Variants in DUSP8 observed in about 807,000 individuals in gnomAD.
The protein encoded by DUSP8 is dual specificity protein phosphatase 8.
DUSP8 carries 15 observed loss-of-function variants against 38.7 expected under a neutral mutation model. The ratio of observed to expected loss-of-function variants is 0.39; its 90% CI spans 0.26 to 0.60. The LOEUF (loss-of-function observed/expected upper bound fraction) is 0.60, where lower values mean the gene tolerates loss of function less well. Ranked by LOEUF, DUSP8 falls within the 20% of genes least tolerant of loss-of-function variation. The pLI is 0.56. For missense variants in DUSP8, 768 were observed against 915.0 expected, an observed-to-expected ratio of 0.84 and a Z score of 2.07; for synonymous variants, 458 against 433.9, an observed-to-expected ratio of 1.06 and a Z score of -0.69.
At chr11:1,568,009 G>A (rs547175201) in intron 1 of DUSP8, among the ~76,000 whole-genome samples, 4 of 152,294 alleles carry the variant, frequency 2.6e-5, no homozygotes, top group South Asian at 2.1e-4. Context: ...GTGAGACAGC[G>A]GCTCCAGGTG....
In DUSP8 at chr11:1,565,465, G is replaced by T. The variant is rs139586642; in HGVS notation, c.231+131C>A. The stretch of plus-strand genomic sequence containing the variant: ...AGTGCCAGGGAGGACTGCTCCACAC[G>T]CCCCTGGCTGTGACCCCAAGGAGTC... On this transcript the variant is annotated intron_variant, in intron 2 of 6. Transcript: ENST00000397374. 4,391 of 721,006 alleles carry T rather than the reference G, an allele frequency of 6.1e-3. 24 individuals carry two copies. The highest frequency in any genetic ancestry group is 0.035 in the Middle Eastern group (111 of 3,206). The allele number at this position is 721,006 out of a possible 1,614,324, so 44.7% of individuals were successfully genotyped here.
intron 3 of DUSP8, among the ~76,000 whole-genome samples, chr11:1,562,413 C>T (rs1424733532): frequency 6.6e-6 from 1 of 152,154 alleles, no homozygotes; most frequent in African/African-American, 2.4e-5. Context: ...TACTCTCTCC[C>T]CGCCCCCCAC....
Position 1,558,777 on chromosome 11 carries a change from T to C in DUSP8, c.537+112A>G. 1 of 1,308,526 alleles carries C rather than the reference T, an allele frequency of 7.6e-7. No individual in the cohort carries two copies. The allele number at this position is 1,308,526 out of a possible 1,614,324, so 81.1% of individuals were successfully genotyped here. On this transcript the variant is annotated intron_variant, in intron 4 of 6. Coordinates refer to ENST00000397374, the MANE Select transcript of DUSP8 (RefSeq NM_004420.3). This position sits in a 1 kb window ranked among gnomAD's most constrained non-coding sequence, Gnocchi z 6.3. Reference sequence around the variant, plus strand: ...CCATGCTTCTCCCACACCCAGCTCATCCACTGCCTTCAGCTCCTTTCCTCC... The same window carrying C: ...CCATGCTTCTCCCACACCCAGCTCACCCACTGCCTTCAGCTCCTTTCCTCC...
rs768306901 is a variant in DUSP8, at chr11:1,565,746, C to G, written c.81G>C (p.Pro27=). The G allele has an allele frequency of 3.7e-6, 6 of 1,611,790 alleles. No individual in the cohort carries two copies. In the South Asian group the frequency reaches 6.6e-5, roughly 18 times the overall value. Residue 27 remains proline (P), a synonymous_variant, in exon 2 of 7, where the codon CCG becomes CCC. Transcript: ENST00000397374. Reference sequence around the variant, plus strand: ...CGAAGGAGCGGCTGTCGATGACCAGCGGCCCCCCAGGCCCGCCCCGCAGCA... The same window carrying G: ...CGAAGGAGCGGCTGTCGATGACCAGGGGCCCCCCAGGCCCGCCCCGCAGCA... ...ASLLRGGPGG[P]LVIDSRSFVE...
chr11:1,566,052 T>C (rs1848798068), intron 1 of DUSP8, 118 bp from the exon 2 acceptor site: 2 of 553,844 alleles, frequency 3.6e-6, no homozygotes, highest in Non-Finnish European at 6.5e-6. Flanking sequence ...CATGTGCCCG[T>C]GGGAACCCTT....
chr11:1,570,639 T>C (rs1848874070), intron 1 of DUSP8, among the ~76,000 whole-genome samples: 1 of 151,828 alleles, frequency 6.6e-6, no homozygotes, highest in Admixed American at 6.6e-5. Context: ...GCCACACTCG[T>C]GCAGCCCCCG....
chr11:1,560,167 C>T (rs982217292), intron 3 of DUSP8, among the ~76,000 whole-genome samples: 2 of 152,152 alleles, frequency 1.3e-5, no homozygotes, highest in African/African-American at 2.4e-5. Flanking sequence ...CATGGCAAGC[C>T]GGCTCCTGCT....
At chr11:1,571,294 G>A (rs969913468) in intron 1 of DUSP8, 2 of 152,264 alleles carry the variant, frequency 1.3e-5, no homozygotes, top group Non-Finnish European at 2.9e-5. Context: ...TGCAGCAGGC[G>A]GAAGGGCGCG....
chr11:1,556,526 C>T lies in DUSP8; in HGVS notation c.1870G>A (p.Val624Met), dbSNP rs1351169062. ...CGAGGGCAGCGGAGGGGTCAGGACA[C>T]CTCGATGACCTCCACGCTGCCCGAG... The part of the protein sequence containing the change: ...SFSGSVEVIE[V>M]S Residue 624 changes from valine (V) to methionine (M), a missense_variant, in exon 7 of 7, where the codon GTG (valine) becomes ATG (methionine). Transcript: ENST00000397374. This position sits in a 1 kb window ranked among gnomAD's most constrained non-coding sequence, Gnocchi z 5.2. 7.6e-7 allele frequency: 1 copy of T among 1,317,816 alleles called. No homozygotes were observed. Among genetic ancestry groups the T allele is most frequent in the Non-Finnish European group, 9.7e-7 (1 of 1,031,000 alleles). The allele number at this position is 1,317,816 out of a possible 1,614,324, so 81.6% of individuals were successfully genotyped here. A position where few individuals can be genotyped will look rare whatever the true frequency, so the allele number is the denominator to read the frequency against.
chr11:1,557,911 G>A lies in DUSP8; in HGVS notation c.704C>T (p.Ala235Val). Residue 235 changes from alanine (A) to valine (V), a missense_variant, in exon 6 of 7, where the codon GCC becomes GTC. By Grantham distance (64) the Ala-to-Val change is moderately conservative. Transcript: ENST00000397374. This position sits in a 1 kb window ranked among gnomAD's most constrained non-coding sequence, Gnocchi z 9.9. ...GATGACTTGGCAGCTGGAGAGCTTGGCTTTATCTGGGCAGGTGGGCCATGG... is the reference window on the plus strand; with the variant it reads ...GATGACTTGGCAGCTGGAGAGCTTGACTTTATCTGGGCAGGTGGGCCATGG... ...LDKSIEFIDK[A>V]KLSSCQVIVH... 2.5e-6 allele frequency: 4 copies of A among 1,613,910 alleles called. No homozygotes were observed. Among genetic ancestry groups the A allele is most frequent in the Non-Finnish European group, 3.4e-6 (4 of 1,180,020 alleles).
intron 1 of DUSP8, among the ~76,000 whole-genome samples, chr11:1,567,689 G>A (rs1050985854): frequency 3.3e-5 from 5 of 152,184 alleles, no homozygotes; most frequent in South Asian, 4.1e-4. Flanking sequence ...CTGACCCCAC[G>A]GCTGACACCA....
At chr11:1,569,934 G>T (rs367699371) in intron 1 of DUSP8, among the ~76,000 whole-genome samples, 1 of 152,156 alleles carries the variant, frequency 6.6e-6, no homozygotes, top group South Asian at 2.1e-4. Context: ...GGGAGGCAGG[G>T]ACCCTGCACT....
Position 1,558,374 on chromosome 11 carries a change from C to T in DUSP8, c.538-103G>A. The T allele has an allele frequency of 9.7e-7, 1 of 1,027,776 alleles. No homozygotes were observed. Among genetic ancestry groups the T allele is most frequent in the East Asian group, 2.6e-5 (1 of 38,518 alleles). 63.7% of individuals were successfully genotyped at this position (1,027,776 alleles called of 1,614,324 possible). A position where few individuals can be genotyped will look rare whatever the true frequency, so the allele number is the denominator to read the frequency against. On this transcript the variant is annotated intron_variant, in intron 4 of 6. Transcript: ENST00000397374. The surrounding 1 kb of genome is among the most constrained non-coding windows in gnomAD (Gnocchi z 6.3). ...CTGCCGTCAGGAGGGCCTTTAGAAT[C>T]CTGGGAGCCTTGGAATTTGTCCCAG...
Position 1,556,901 on chromosome 11 carries a change from G to T in DUSP8, c.1495C>A (p.Pro499Thr). Reference protein sequence around the residue: ...SALSAPGLPGPGQPAGPGAWA... With the variant: ...SALSAPGLPGTGQPAGPGAWA... ...GCCCCGGGGCCGGCCGGCTGGCCAGGGCCGGGCAGCCCGGGCGCCGACAGG... is the reference window on the plus strand; with the variant it reads ...GCCCCGGGGCCGGCCGGCTGGCCAGTGCCGGGCAGCCCGGGCGCCGACAGG... The change falls in exon 7 of 7, where the codon CCT (proline) becomes ACT (threonine). Residue 499 changes from proline (P) to threonine (T), a missense_variant. Around this residue, in one of 3 missense-constraint regions of DUSP8, gnomAD observed 474 missense variants for 430.8 expected, o/e 1.10. Coordinates refer to ENST00000397374, the MANE Select transcript of DUSP8 (RefSeq NM_004420.3). This position sits in a 1 kb window ranked among gnomAD's most constrained non-coding sequence, Gnocchi z 5.2. 9.2e-7 allele frequency: 1 copy of T among 1,092,110 alleles called. No individual in the cohort carries two copies. Among genetic ancestry groups the T allele is most frequent in the Non-Finnish European group, 1.1e-6 (1 of 900,380 alleles). 67.7% of individuals were successfully genotyped at this position (1,092,110 alleles called of 1,614,324 possible). A position where few individuals can be genotyped will look rare whatever the true frequency, so the allele number is the denominator to read the frequency against.
chr11:1,565,850 G>A lies in DUSP8; in HGVS notation c.-24C>T. ...ATGGTGGGGCAATGGGTGCTGGGGA[G>A]GGTGACCCCTGAAGTGAGGAGGGGC... On this transcript the variant is annotated 5_prime_UTR_variant, in exon 2 of 7. Coordinates refer to ENST00000397374, the MANE Select transcript of DUSP8 (RefSeq NM_004420.3). 6.3e-7 allele frequency: 1 copy of A among 1,587,636 alleles called. No homozygotes were observed. The highest frequency in any genetic ancestry group is 8.6e-7 in the Non-Finnish European group (1 of 1,159,952).
intron 3 of DUSP8, among the ~76,000 whole-genome samples, chr11:1,560,496 G>A (rs1334137650): frequency 1.3e-5 from 2 of 152,206 alleles, no homozygotes; most frequent in African/African-American, 2.4e-5. Context: ...TAAAAAGGGC[G>A]TGACGCTGGG....
At chr11:1,572,565 C>T (rs921567045), upstream of DUSP8, among the ~76,000 whole-genome samples, 2 of 151,720 alleles carry the variant, frequency 1.3e-5, no homozygotes, top group Non-Finnish European at 2.9e-5. The surrounding 1 kb of genome is among the most constrained non-coding windows in gnomAD (Gnocchi z 4.7). Context: ...CCCCGGGCCC[C>T]GCGTCACCCA....
At position 1,555,992 on chromosome 11, in the gene DUSP8, C is replaced by G. The variant is rs1359745643; in HGVS notation, c.*526G>C. ...TGGAGCTGATGGAGGGCTGGCCGCA[C>G]CTCTCCGGGGCACACCAGCTCCTGC... is the stretch of plus-strand genomic sequence containing the variant. On this transcript the variant is annotated 3_prime_UTR_variant, in exon 7 of 7. Transcript: ENST00000397374. 1 of 152,232 alleles carries G rather than the reference C, an allele frequency of 6.6e-6. No individual in the cohort carries two copies. Among genetic ancestry groups the G allele is most frequent in the Non-Finnish European group, 1.5e-5 (1 of 68,076 alleles). 9.4% of individuals were successfully genotyped at this position (152,232 alleles called of 1,614,324 possible). A position where few individuals can be genotyped will look rare whatever the true frequency, so the allele number is the denominator to read the frequency against.
chr11:1,568,167 G>C (rs1848833583), intron 1 of DUSP8, among the ~76,000 whole-genome samples: 1 of 152,326 alleles, frequency 6.6e-6, no homozygotes, highest in Middle Eastern at 3.4e-3. Flanking sequence ...CTCTCTCACT[G>C]AAAACAACAG....
Sources: allele counts gnomAD v4.1 joint callset (sites outside exome capture counted in the v4.1 genomes callset), GRCh38; gene constraint gnomAD v4.1.1; regional missense constraint gnomAD v4.1.1; non-coding constraint Gnocchi (gnomAD v3.1); transcripts MANE v1.5; gene names NCBI Gene and HGNC (gene_info 2026-07-23, HGNC 2026-07-21).